The following ESR1 variants were observed in gnomAD, a reference collection of about 807,000 sequenced individuals.
ESR1 encodes estrogen receptor.
In ESR1, 12 loss-of-function variants were observed where a neutral mutation model predicts 52.7. The ratio of observed to expected loss-of-function variants is 0.23; its 90% CI spans 0.15 to 0.37. The LOEUF is 0.37. ESR1 is among the 10% of genes least tolerant of loss of function. The probability of loss-of-function intolerance (pLI) is 1.00; values close to 1 mark genes in which losing one functional copy is unlikely to be tolerated. For missense variants in ESR1, 584 were observed against 779.7 expected (o/e 0.75, Z 2.99); for synonymous variants, 305 against 316.8 (o/e 0.96, Z 0.39).
In ESR1 at chr6:152,101,540, A is replaced by C. The variant is rs975518133; in HGVS notation, c.*2574A>C. 2 of 231,358 alleles carry C rather than the reference A, an allele frequency of 8.6e-6. No individual in the cohort carries two copies. The highest frequency in any genetic ancestry group is 5.6e-5 in the Admixed American group (1 of 17,712). 14.3% of individuals were successfully genotyped at this position (231,358 alleles called of 1,614,324 possible). A position where few individuals can be genotyped will look rare whatever the true frequency, so the allele number is the denominator to read the frequency against. On this transcript the variant is annotated 3_prime_UTR_variant, in exon 8 of 8. Coordinates refer to ENST00000206249, the MANE Select transcript of ESR1 (RefSeq NM_000125.4). The stretch of plus-strand genomic sequence containing the variant: ...CATCAGATGATTGAAATGTTCGCCC[A>C]GGGGTCTCCAGCAACTTTGGAAATC...
At chr6:151,997,226 C>T (rs75537506) in intron 4 of ESR1, among the ~76,000 whole-genome samples, 3,222 of 152,184 alleles carry the variant, frequency 0.021, 99 homozygotes, top group East Asian at 0.12. Context: ...ATATGTCTGG[C>T]TTCTGAATTT....
chr6:151,947,747 G>A (rs1313996753), intron 4 of ESR1, among the ~76,000 whole-genome samples: 1 of 152,132 alleles, frequency 6.6e-6, no homozygotes, highest in Non-Finnish European at 1.5e-5. Flanking sequence ...AATCCATAAA[G>A]TACTTCTGGT....
chr6:151,987,148 T>A (rs927419644), intron 4 of ESR1, among the ~76,000 whole-genome samples: 5 of 152,008 alleles, frequency 3.3e-5, no homozygotes, highest in African/African-American at 1.2e-4. Context: ...ACAGTGACTC[T>A]CAGGCTTCTG....
intron 4 of ESR1, among the ~76,000 whole-genome samples, chr6:152,000,613 A>G (rs573819536): frequency 6.6e-6 from 1 of 152,010 alleles, no homozygotes; most frequent in Admixed American, 6.6e-5. Context: ...TAGTCTTGTC[A>G]TCATGAGATG....
intron 1 of ESR1, among the ~76,000 whole-genome samples, chr6:151,840,219 T>G (rs748233061): frequency 1.3e-5 from 2 of 152,226 alleles, no homozygotes; most frequent in Non-Finnish European, 2.9e-5. Context: ...GCACTAAGCT[T>G]CTACAGTTAG....
rs118055331 is a variant in ESR1 at position 151,865,549 on chromosome 6, C to T, written c.644-15106C>T. Reference sequence around the variant, plus strand: ...CCCATATTCCTGCAATTTAGTGCAGCTGCTACAACATTTAGGTAAACTCTT... The same window carrying T: ...CCCATATTCCTGCAATTTAGTGCAGTTGCTACAACATTTAGGTAAACTCTT... On this transcript the variant is annotated intron_variant, in intron 2 of 7. Transcript: ENST00000206249. Among the ~76,000 whole-genome samples the T allele has an allele frequency of 5.0e-4, 76 of 152,310 alleles. No individual in the cohort carries two copies. In the East Asian group the frequency reaches 0.014, roughly 28 times the overall value.
At chr6:151,678,552 T>C in intron 1 of ESR1, among the ~76,000 whole-genome samples, 1 of 152,048 alleles carries the variant, frequency 6.6e-6, no homozygotes, top group East Asian at 1.9e-4. Flanking sequence ...GCATGGATAT[T>C]TGTAAAGTCT....
chr6:151,885,096 A>AT (rs577107149), intron 3 of ESR1, among the ~76,000 whole-genome samples: 1 of 152,184 alleles, frequency 6.6e-6, no homozygotes, highest in South Asian at 2.1e-4. Context: ...TTCAAGAAGT[A>AT]TTTTTTTGCA....
At chr6:151,920,639 G>T (rs914125324) in intron 3 of ESR1, among the ~76,000 whole-genome samples, 1 of 151,896 alleles carries the variant, frequency 6.6e-6, no homozygotes, top group Non-Finnish European at 1.5e-5. Context: ...GATACCCCAG[G>T]TAGTTTAGGC....
chr6:151,928,863 AT>A (rs2033167127), intron 3 of ESR1, among the ~76,000 whole-genome samples: 1 of 151,878 alleles, frequency 6.6e-6, no homozygotes, highest in African/African-American at 2.4e-5. Flanking sequence ...ATATTTCGAT[AT>A]TTTCCAGCTA....
At chr6:152,011,943 C>A in intron 5 of ESR1, 149 bp downstream of exon 5, 1 of 792,058 alleles carries the variant, frequency 1.3e-6, no homozygotes, top group Non-Finnish European at 2.0e-6. Flanking sequence ...GGTGATGAAG[C>A]CTAGTCAAAT....
intron 2 of ESR1, among the ~76,000 whole-genome samples, chr6:151,786,048 C>A (rs1786990618): frequency 6.6e-6 from 1 of 152,158 alleles, no homozygotes; most frequent in Admixed American, 6.5e-5. Context: ...GGGAAAGAGA[C>A]TGAACCCCAT....
chr6:151,749,839 G>A (rs1783771212), intron 2 of ESR1, among the ~76,000 whole-genome samples: 1 of 152,108 alleles, frequency 6.6e-6, no homozygotes, highest in African/African-American at 2.4e-5. Context: ...ACACAGATCT[G>A]ACAATCTCAT....
chr6:152,010,515 G>T (rs1164879742), intron 4 of ESR1, among the ~76,000 whole-genome samples: 1 of 152,040 alleles, frequency 6.6e-6, no homozygotes, highest in Non-Finnish European at 1.5e-5. Context: ...ATATCTTAGG[G>T]CAAAAGAATA....
At chr6:151,850,039 T>TAA (rs1786147033) in intron 2 of ESR1, among the ~76,000 whole-genome samples, 2 of 124,264 alleles carry the variant, frequency 1.6e-5, no homozygotes, top group African/African-American at 6.6e-5. Context: ...TATATATATA[T>TAA]ATAATTTTAT....
intron 6 of ESR1, among the ~76,000 whole-genome samples, chr6:152,118,860 G>A (rs1429660380): frequency 6.6e-6 from 1 of 152,198 alleles, no homozygotes; most frequent in Non-Finnish European, 1.5e-5. Context: ...GCTTGGAGCA[G>A]TTCCTGCCAC....
At position 151,842,793 on chromosome 6, in the gene ESR1, A is replaced by G. The variant is rs564461683; in HGVS notation, c.643+6A>G. 1.4e-5 allele frequency: 22 copies of G among 1,612,490 alleles called. No individual in the cohort carries two copies. In the African/African-American group the frequency reaches 2.0e-4, roughly 15 times the overall value. On this transcript the variant is annotated splice_donor_region_variant and intron_variant, in intron 2 of 7. Transcript: ENST00000206249. ...CTTCAAGAGAAGTATTCAAGGTAAT[A>G]GTGTGTTGAAAACGACTTCTATTTT... is the stretch of plus-strand genomic sequence containing the variant.
chr6:152,120,335 T>C (rs1386493221), intron 6 of ESR1, among the ~76,000 whole-genome samples: 5 of 151,868 alleles, frequency 3.3e-5, no homozygotes, highest in African/African-American at 1.2e-4. Context: ...CAGATGAGGG[T>C]GCAGGGCACC....
At chr6:151,681,721 C>T (rs1302515159) in intron 1 of ESR1, among the ~76,000 whole-genome samples, 1 of 152,108 alleles carries the variant, frequency 6.6e-6, no homozygotes, top group Admixed American at 6.5e-5. Flanking sequence ...TCCTCCAGGC[C>T]GCCGCTTCCA....
Sources: gnomAD v4.1 joint callset for allele counts (sites outside exome capture counted in the v4.1 genomes callset) on GRCh38, gnomAD v4.1.1 for gene constraint, MANE v1.5 for transcripts, NCBI Gene and HGNC (gene_info 2026-07-23, HGNC 2026-07-21) for gene names.